DNAJC13: variants seen among roughly 807,000 people sequenced by gnomAD.
The protein encoded by DNAJC13 is dnaJ homolog subfamily C member 13.
DNAJC13 carries 75 observed loss-of-function variants against 290.5 expected under a neutral mutation model. That is an observed-to-expected ratio of 0.26 (90% CI 0.21 to 0.31). The LOEUF is 0.31. Among genes scored for constraint, DNAJC13 ranks in the 10% least tolerant of loss-of-function variants. DNAJC13 has a pLI of 1.00. For missense variants in DNAJC13, 2,260 were observed against 2,674.5 expected (o/e 0.85, Z 3.42); for synonymous variants, 862 against 892.0 (o/e 0.97, Z 0.60).
intron 2 of DNAJC13, among the ~76,000 whole-genome samples, chr3:132,444,448 T>C (rs1933178451): frequency 1.3e-5 from 2 of 152,338 alleles, no homozygotes; most frequent in East Asian, 3.9e-4. Flanking sequence ...TTAGGTGTGG[T>C]GGTGAAGATT....
At chr3:132,504,508 A>T (rs6808437) in intron 41 of DNAJC13, among the ~76,000 whole-genome samples, 34,248 of 151,702 alleles carry the variant, frequency 0.23, 4,024 homozygotes, top group South Asian at 0.32. Flanking sequence ...CCCACTAAAA[A>T]TTTTTTATAG....
chr3:132,506,288 G>C (rs570073516), intron 42 of DNAJC13, among the ~76,000 whole-genome samples: 3 of 151,396 alleles, frequency 2.0e-5, no homozygotes, highest in African/African-American at 7.2e-5. Context: ...CTGACCTCAG[G>C]TGATCCGCCC....
At chr3:132,493,819 A>G (rs551130775) in intron 33 of DNAJC13, among the ~76,000 whole-genome samples, 1 of 142,484 alleles carries the variant, frequency 7.0e-6, no homozygotes, top group Admixed American at 7.1e-5. Flanking sequence ...TTTAGGTTTT[A>G]TCTTTCACCC....
rs1269371779 is a variant in DNAJC13, at chr3:132,461,067, C to T, written c.1575C>T (p.Ala525=). 1 of 1,613,768 alleles carries T rather than the reference C, an allele frequency of 6.2e-7. No homozygotes were observed. Among genetic ancestry groups the T allele is most frequent in the Non-Finnish European group, 8.5e-7 (1 of 1,179,910 alleles). ...FNSHVDHGTG[A]LVISSLLDFL... Reference sequence around the variant, plus strand: ...TGTTTCAGGATCATGGGACTGGTGCCCTAGTTATTAGTTCGCTCTTGGACT... The same window carrying T: ...TGTTTCAGGATCATGGGACTGGTGCTCTAGTTATTAGTTCGCTCTTGGACT... The change falls in exon 15 of 56, where the codon GCC becomes GCT. Residue 525 remains alanine (A), a synonymous_variant. Coordinates refer to ENST00000260818, the MANE Select transcript of DNAJC13 (RefSeq NM_015268.4).
chr3:132,466,118 T>C (rs1411794434), intron 18 of DNAJC13, 48 bp downstream of exon 18: 2 of 1,511,830 alleles, frequency 1.3e-6, no homozygotes, highest in Non-Finnish European at 1.8e-6. Flanking sequence ...TAAAATTTAA[T>C]TGAACAAGTT....
intron 53 of DNAJC13, 52 bp downstream of exon 53, chr3:132,526,333 T>C (rs1437819313): frequency 1.9e-6 from 3 of 1,605,178 alleles, no homozygotes; most frequent in South Asian, 2.2e-5. Context: ...ACATACCAAG[T>C]AGATTTTTAC....
intron 14 of DNAJC13, among the ~76,000 whole-genome samples, chr3:132,460,681 A>T (rs1350536286): frequency 1.3e-5 from 2 of 152,232 alleles, no homozygotes; most frequent in African/African-American, 4.8e-5. Context: ...AGTCCCTGAT[A>T]ACAATTTTGG....
intron 1 of DNAJC13, among the ~76,000 whole-genome samples, chr3:132,419,403 A>ATAT (rs10660012): frequency 0.61 from 93,212 of 151,746 alleles, 30,952 homozygotes; most frequent in East Asian, 0.94. Context: ...AAAAAATAAA[A>ATAT]TATTAATAAG....
At chr3:132,434,701 C>T in intron 2 of DNAJC13, 83 bp downstream of exon 2, 2 of 1,107,334 alleles carry the variant, frequency 1.8e-6, no homozygotes, top group Non-Finnish European at 2.6e-6. Flanking sequence ...TTGAATAATA[C>T]TGCACAACTC....
rs527807869 is a variant in DNAJC13, at chr3:132,496,249, C to A, written c.4021-279C>A. ...TTTTTGTTATATAGACGCAAACTCT[C>A]TCTAGTATGTATGAGTTTAACATGA... On this transcript the variant is annotated intron_variant, in intron 35 of 55. Transcript: ENST00000260818. Among the ~76,000 whole-genome samples the A allele has an allele frequency of 2.0e-5, 3 of 152,038 alleles. No individual in the cohort carries two copies. The East Asian group carries it at 5.8e-4, about 29-fold the overall frequency.
At chr3:132,455,346 G>C (rs533417547) in intron 9 of DNAJC13, among the ~76,000 whole-genome samples, 1 of 152,204 alleles carries the variant, frequency 6.6e-6, no homozygotes, top group African/African-American at 2.4e-5. Context: ...AGTGGCAGGT[G>C]TTGGCGAGGA....
chr3:132,484,678 TTA>T lies in DNAJC13; in HGVS notation c.3267+8_3267+9del, dbSNP rs1934794569. On this transcript the variant is annotated splice_region_variant and intron_variant, in intron 29 of 55. Coordinates refer to ENST00000260818, the MANE Select transcript of DNAJC13 (RefSeq NM_015268.4). ...GCCTTCCCCATATTATTCAGGTGAG[TTA>T]TGTAATCAAACTAGGAGCAATTTTA... is the stretch of plus-strand genomic sequence containing the variant. 3.7e-6 allele frequency: 6 copies of T among 1,609,804 alleles called. No individual in the cohort carries two copies. The highest frequency in any genetic ancestry group is 3.4e-6 in the Non-Finnish European group (4 of 1,176,258).
At chr3:132,438,462 G>A (rs891489370) in intron 2 of DNAJC13, among the ~76,000 whole-genome samples, 4 of 152,150 alleles carry the variant, frequency 2.6e-5, no homozygotes. Context: ...ATTGAACCTT[G>A]TCTCTAGAAA....
rs548325507 is a variant in DNAJC13 at position 132,459,168 on chromosome 3, A to C, written c.1450-1082A>C. ...CTTGTTCAAGGTCATGTAGCTAGTA[A>C]ATGGCAGAGGAGGCTTCAAGCCCAC... On this transcript the variant is annotated intron_variant, in intron 13 of 55. Coordinates refer to ENST00000260818, the MANE Select transcript of DNAJC13 (RefSeq NM_015268.4). Among the ~76,000 whole-genome samples, 3 of 152,320 alleles carry C rather than the reference A, an allele frequency of 2.0e-5. No individual in the cohort carries two copies. In the East Asian group the frequency reaches 5.8e-4, roughly 29 times the overall value.
intron 5 of DNAJC13, among the ~76,000 whole-genome samples, chr3:132,448,298 G>A (rs1227509273): frequency 6.6e-6 from 1 of 152,172 alleles, no homozygotes; most frequent in Non-Finnish European, 1.5e-5. Context: ...GTTTGGTGTA[G>A]GAGTTTCTTA....
chr3:132,467,060 A>G, intron 19 of DNAJC13, 110 bp from the exon 20 acceptor site: 1 of 1,229,372 alleles, frequency 8.1e-7, no homozygotes. Context: ...TCACTGAACC[A>G]TAACATCCAG....
Position 132,478,674 on chromosome 3 carries a change from A to G in DNAJC13, c.2709+534A>G, listed in dbSNP as rs549512452. Among the ~76,000 whole-genome samples the G allele has an allele frequency of 2.0e-5, 3 of 152,322 alleles. No individual in the cohort carries two copies. In the South Asian group the frequency reaches 6.2e-4, roughly 32 times the overall value. ...TGGTTCACCTGGAAGTGGGAGGATC[A>G]CTTGAACCCAGGAGGTTGAGGCTGC... On this transcript the variant is annotated intron_variant, in intron 24 of 55. Coordinates refer to ENST00000260818, the MANE Select transcript of DNAJC13 (RefSeq NM_015268.4).
intron 22 of DNAJC13, among the ~76,000 whole-genome samples, chr3:132,476,053 C>T (rs1934462010): frequency 6.6e-6 from 1 of 152,190 alleles, no homozygotes; most frequent in Admixed American, 6.5e-5. Flanking sequence ...TCCACCTTCG[C>T]CTCCCCAGTA....
Position 132,480,415 on chromosome 3 carries a change from T to G in DNAJC13, c.2819T>G (p.Val940Gly), listed in dbSNP as rs1421284387. ...GATTCAAATGGAATAAGAATCCTTGTGGACTTGCTTACCCTTGCACATCTC... is the reference window on the plus strand; with the variant it reads ...GATTCAAATGGAATAAGAATCCTTGGGGACTTGCTTACCCTTGCACATCTC... Reference protein sequence around the residue: ...LMDSNGIRILVDLLTLAHLHV... With the variant: ...LMDSNGIRILGDLLTLAHLHV... The change falls in exon 26 of 56, where the codon GTG (valine) becomes GGG (glycine). Residue 940 changes from valine (V) to glycine (G), a missense_variant. Val to Gly is a moderately radical substitution (Grantham distance 109). Transcript: ENST00000260818. The G allele has an allele frequency of 3.1e-6, 5 of 1,613,638 alleles. No individual in the cohort carries two copies. The highest frequency in any genetic ancestry group is 4.2e-6 in the Non-Finnish European group (5 of 1,179,750).
Sources: gnomAD v4.1 joint callset for allele counts (sites outside exome capture counted in the v4.1 genomes callset) on GRCh38, gnomAD v4.1.1 for gene constraint, MANE v1.5 for transcripts, NCBI Gene and HGNC (gene_info 2026-07-23, HGNC 2026-07-21) for gene names.